The following FGGY variants were observed in gnomAD, a reference collection of about 807,000 sequenced individuals.
FGGY encodes the protein FGGY carbohydrate kinase domain containing.
FGGY carries 72 observed loss-of-function variants against 71.3 expected under a neutral mutation model. The observed-to-expected ratio is 1.01, with a 90% CI of 0.84 to 1.23. The LOEUF (loss-of-function observed/expected upper bound fraction) is 1.23, where lower values mean the gene tolerates loss of function less well. FGGY is among the 50% of genes most tolerant of loss of function. The pLI is 0.00. For missense variants in FGGY, 668 were observed against 682.3 expected (o/e 0.98, Z 0.23); for synonymous variants, 251 against 250.3 (o/e 1.00, Z -0.02).
chr1:59,673,712 T>G (rs2097404074), intron 13 of FGGY: 2 of 282,130 alleles, frequency 7.1e-6, no homozygotes, highest in African/African-American at 4.3e-5. Flanking sequence ...GCAGAGCGCT[T>G]AATAAACATC....
intron 11 of FGGY, among the ~76,000 whole-genome samples, chr1:59,638,670 A>G (rs943836229): frequency 6.6e-6 from 1 of 152,170 alleles, no homozygotes; most frequent in Non-Finnish European, 1.5e-5. Flanking sequence ...CATTTATATC[A>G]GTTTGTAAAG....
chr1:59,580,591 G>C (rs2096174851), intron 8 of FGGY, among the ~76,000 whole-genome samples: 1 of 152,062 alleles, frequency 6.6e-6, no homozygotes, highest in Admixed American at 6.6e-5. Context: ...TCAGACTCTT[G>C]TTCTTTCTTG....
chr1:59,440,758 G>A (rs775980557), intron 5 of FGGY, among the ~76,000 whole-genome samples: 1 of 150,560 alleles, frequency 6.6e-6, no homozygotes, highest in African/African-American at 2.4e-5. Context: ...GTGGAGGGGC[G>A]AATAACACAC....
At chr1:59,339,611 C>T (rs1205516451) in intron 2 of FGGY, among the ~76,000 whole-genome samples, 11 of 151,922 alleles carry the variant, frequency 7.2e-5, no homozygotes, top group Admixed American at 7.2e-4. Flanking sequence ...ATTACAGGCA[C>T]ACACCACCAT....
chr1:59,586,533 G>A (rs918542854), intron 8 of FGGY, among the ~76,000 whole-genome samples: 48 of 152,148 alleles, frequency 3.2e-4, no homozygotes, highest in African/African-American at 1.1e-3. Flanking sequence ...GGGAGGGATA[G>A]CATTAGGAGA....
chr1:59,670,532 C>T (rs532923753), intron 13 of FGGY, among the ~76,000 whole-genome samples: 1 of 152,320 alleles, frequency 6.6e-6, no homozygotes, highest in Non-Finnish European at 1.5e-5. Context: ...TCAGTTCCCT[C>T]TTCTGAAACA....
chr1:59,315,504 T>A (rs1367332441), intron 1 of FGGY: 2 of 151,932 alleles, frequency 1.3e-5, no homozygotes, highest in South Asian at 4.2e-4. Context: ...TTCTTTTGAA[T>A]TTTTCTTGAT....
chr1:59,650,521 T>A (rs1202081861), intron 11 of FGGY, among the ~76,000 whole-genome samples: 6 of 100,638 alleles, frequency 6.0e-5, no homozygotes, highest in Non-Finnish European at 1.1e-4. Context: ...CTTCTAGATT[T>A]TCTAGTATAT....
intron 15 of FGGY, 47 bp downstream of exon 15, chr1:59,758,039 TAC>T: frequency 2.6e-5 from 33 of 1,258,486 alleles, no homozygotes; most frequent in Non-Finnish European, 3.5e-5. Context: ...AGTGAGCACA[TAC>T]ACACACACAT....
intron 7 of FGGY, among the ~76,000 whole-genome samples, chr1:59,520,502 C>T: frequency 6.6e-6 from 1 of 152,174 alleles, no homozygotes; most frequent in East Asian, 1.9e-4. Context: ...CTTAGAAAAG[C>T]ACCAATCACT....
chr1:59,316,244 C>T (rs1225720106), intron 1 of FGGY: 2 of 151,994 alleles, frequency 1.3e-5, no homozygotes, highest in Non-Finnish European at 2.9e-5. Context: ...AAAGAGGATA[C>T]TGAATTCCTT....
At chr1:59,732,111 G>A (rs1296621266) in intron 14 of FGGY, among the ~76,000 whole-genome samples, 1 of 152,128 alleles carries the variant, frequency 6.6e-6, no homozygotes, top group Admixed American at 6.5e-5. Flanking sequence ...CAAAGCATCT[G>A]GTCCAGTTCC....
At chr1:59,545,323 G>A (rs1451765651) in intron 7 of FGGY, among the ~76,000 whole-genome samples, 1 of 152,122 alleles carries the variant, frequency 6.6e-6, no homozygotes, top group Non-Finnish European at 1.5e-5. Flanking sequence ...TATTCCATAA[G>A]ATGCATTTGT....
intron 8 of FGGY, among the ~76,000 whole-genome samples, chr1:59,585,957 C>G (rs2096278326): frequency 6.6e-6 from 1 of 152,162 alleles, no homozygotes; most frequent in Non-Finnish European, 1.5e-5. Context: ...ATCAAAACCA[C>G]AATGAGATAC....
At chr1:59,511,069 C>A (rs1451772638) in intron 6 of FGGY, among the ~76,000 whole-genome samples, 1 of 152,184 alleles carries the variant, frequency 6.6e-6, no homozygotes, top group Non-Finnish European at 1.5e-5. Flanking sequence ...CAGCAGAGTT[C>A]TTCTAGAAGT....
chr1:59,569,744 C>A lies in FGGY; in HGVS notation c.903+15517C>A, dbSNP rs375759524. Among the ~76,000 whole-genome samples, 32 of 152,216 alleles carry A rather than the reference C, an allele frequency of 2.1e-4. 1 individual carries two copies. In the South Asian group the frequency reaches 6.4e-3, roughly 31 times the overall value. ...TGGTGCTTTAGAGTTTATTAAACGT[C>A]TTATGGAATTTGATGCTCAGAATAA... On this transcript the variant is annotated intron_variant, in intron 8 of 15. Transcript: ENST00000303721.
At chr1:59,536,498 A>C (rs1037537734) in intron 7 of FGGY, among the ~76,000 whole-genome samples, 2 of 152,202 alleles carry the variant, frequency 1.3e-5, no homozygotes, top group African/African-American at 4.8e-5. Flanking sequence ...CATCATCCTG[A>C]TACCAAAGCC....
intron 14 of FGGY, among the ~76,000 whole-genome samples, chr1:59,756,739 AC>A (rs1455676723): frequency 2.6e-5 from 4 of 152,194 alleles, no homozygotes; most frequent in African/African-American, 9.6e-5. Context: ...AAGGCAGACA[AC>A]GAACACATAA....
intron 11 of FGGY, among the ~76,000 whole-genome samples, chr1:59,647,691 C>G (rs1233295740): frequency 6.6e-6 from 1 of 150,912 alleles, no homozygotes; most frequent in South Asian, 2.1e-4. Context: ...TGATCCTTCT[C>G]AGCTTTCAGA....
Sources: allele counts gnomAD v4.1 joint callset (sites outside exome capture counted in the v4.1 genomes callset), GRCh38; gene constraint gnomAD v4.1.1; transcripts MANE v1.5; gene names NCBI Gene and HGNC (gene_info 2026-07-23, HGNC 2026-07-21).